FAN1: variants seen among roughly 807,000 people sequenced by gnomAD.
FAN1 encodes fanconi-associated nuclease 1.
In FAN1, 91 loss-of-function variants were observed where a neutral mutation model predicts 104.9. The ratio of observed to expected loss-of-function variants is 0.87; its 90% CI spans 0.73 to 1.03. The LOEUF (loss-of-function observed/expected upper bound fraction) is 1.03. FAN1 is among the 50% of genes least tolerant of loss of function. FAN1 has a pLI of 0.00. For synonymous variants in FAN1, 478 were observed against 457.6 expected (o/e 1.04, Z -0.57); for missense variants, 1,263 against 1,239.9 (o/e 1.02, Z -0.28).
intron 10 of FAN1, chr15:30,926,765 C>T (rs758823568): frequency 1.2e-4 from 121 of 985,252 alleles, no homozygotes; most frequent in Middle Eastern, 5.2e-4. Flanking sequence ...CAGGCTGGGA[C>T]GTGGGAGCGC....
At chr15:30,911,059 A>T in intron 4 of FAN1, 2 of 1,234,248 alleles carry the variant, frequency 1.6e-6, no homozygotes, top group Non-Finnish European at 2.0e-6. Context: ...GGCCTTTGGT[A>T]AATTGTAGTA....
intron 11 of FAN1, chr15:30,928,952 G>T: frequency 3.1e-6 from 1 of 326,362 alleles, no homozygotes; most frequent in Non-Finnish European, 4.4e-6. Flanking sequence ...CTGTGCCAAG[G>T]AGCTCACAGA....
intron 7 of FAN1, 124 bp from the exon 8 acceptor site, chr15:30,922,111 C>A: frequency 7.9e-7 from 1 of 1,273,234 alleles, no homozygotes; most frequent in Non-Finnish European, 1.1e-6. Flanking sequence ...GGGTCCTTGG[C>A]CTCATTGTAG....
Position 30,924,975 on chromosome 15 carries a change from A to C in FAN1, c.2173-152A>C, listed in dbSNP as rs1461603680. 2.0e-5 allele frequency: 15 copies of C among 750,168 alleles called. No individual in the cohort carries two copies. The South Asian group carries it at 3.1e-4, about 15-fold the overall frequency. The allele number at this position is 750,168 out of a possible 1,614,324, so 46.5% of individuals were successfully genotyped here. A position where few individuals can be genotyped will look rare whatever the true frequency, so the allele number is the denominator to read the frequency against. Reference sequence around the variant, plus strand: ...ATTGAAATCCTCAGAATAAGATCTAAGGAAACAGCCTAAATCTCTAGAAGT... The same window carrying C: ...ATTGAAATCCTCAGAATAAGATCTACGGAAACAGCCTAAATCTCTAGAAGT... On this transcript the variant is annotated intron_variant, in intron 8 of 14. Transcript: ENST00000362065.
At chr15:30,940,282 C>T in intron 14 of FAN1, 1 of 867,162 alleles carries the variant, frequency 1.2e-6, no homozygotes, top group Non-Finnish European at 1.4e-6. Flanking sequence ...AAATACTTTA[C>T]TTTAGAGAGA....
rs1442498084 is a variant in FAN1 at position 30,941,550 on chromosome 15, T to C, written c.*4-16T>C. The C allele has an allele frequency of 6.2e-7, 1 of 1,604,866 alleles. No individual in the cohort carries two copies. Among genetic ancestry groups the C allele is most frequent in the East Asian group, 2.2e-5 (1 of 44,700 alleles). On this transcript the variant is annotated splice_polypyrimidine_tract_variant and intron_variant, in intron 14 of 14. Transcript: ENST00000362065. Reference sequence around the variant, plus strand: ...AATTTGCTTAATGGTGTTCCTAAAATGCTTCGTCTGCACAGATTCCCTACA... The same window carrying C: ...AATTTGCTTAATGGTGTTCCTAAAACGCTTCGTCTGCACAGATTCCCTACA...
chr15:30,908,110 T>A lies in FAN1; in HGVS notation c.1235-8T>A, dbSNP rs2062021700. ...TGATTTTCAACATTTTTCTTAACTT[T>A]ATTGCAGCTACTGGTCAGAAGTTAT... On this transcript the variant is annotated splice_region_variant and splice_polypyrimidine_tract_variant and intron_variant, in intron 2 of 14. Transcript: ENST00000362065. 1.9e-6 allele frequency: 3 copies of A among 1,588,558 alleles called. No individual in the cohort carries two copies. The highest frequency in any genetic ancestry group is 2.6e-6 in the Non-Finnish European group (3 of 1,171,328).
At chr15:30,939,572 T>C (rs904463825) in intron 14 of FAN1, 19 of 958,220 alleles carry the variant, frequency 2.0e-5, no homozygotes, top group Non-Finnish European at 2.2e-5. Context: ...TACAAAAATA[T>C]GCATTTTTCT....
intron 5 of FAN1, 29 bp downstream of exon 5, chr15:30,914,120 CTA>C (rs1179947573): frequency 1.4e-6 from 2 of 1,433,260 alleles, no homozygotes; most frequent in Non-Finnish European, 1.9e-6. Flanking sequence ...ACTATAATGT[CTA>C]TATGTGTATT....
rs1379708617 is a variant in FAN1 at position 30,942,294 on chromosome 15, G to A, written c.*732G>A. 1 of 607,092 alleles carries A rather than the reference G, an allele frequency of 1.6e-6. No individual in the cohort carries two copies. The highest frequency in any genetic ancestry group is 2.8e-6 in the Non-Finnish European group (1 of 353,740). 37.6% of individuals were successfully genotyped at this position (607,092 alleles called of 1,614,324 possible). ...TAGGCTGTTACTATCAGCCTGAATG[G>A]GGGCGGGATGAGAGTACCTCCTATC... On this transcript the variant is annotated 3_prime_UTR_variant, in exon 15 of 15. Coordinates refer to ENST00000362065, the MANE Select transcript of FAN1 (RefSeq NM_014967.5).
At chr15:30,931,629 T>C (rs892874365) in intron 13 of FAN1, among the ~76,000 whole-genome samples, 1 of 152,240 alleles carries the variant, frequency 6.6e-6, no homozygotes, top group African/African-American at 2.4e-5. Context: ...TGGAATTCAT[T>C]TGTGGTGTGT....
At chr15:30,940,413 TTA>T in intron 14 of FAN1, 1 of 985,434 alleles carries the variant, frequency 1.0e-6, no homozygotes, top group Non-Finnish European at 1.2e-6. Context: ...ATCCATTTTT[TTA>T]TTTCTCCTCT....
chr15:30,929,993 C>A (rs1310346953), intron 12 of FAN1, among the ~76,000 whole-genome samples: 3 of 124,146 alleles, frequency 2.4e-5, no homozygotes, highest in South Asian at 2.3e-4. Context: ...TATAAGATAT[C>A]ATATATAATA....
chr15:30,920,672 G>GC lies in FAN1; in HGVS notation c.2052+25dup, dbSNP rs759383731. The GC allele has an allele frequency of 1.8e-5, 26 of 1,422,272 alleles. No individual in the cohort carries two copies. Among genetic ancestry groups the GC allele is most frequent in the Non-Finnish European group, 2.4e-5 (24 of 1,016,956 alleles). The allele number at this position is 1,422,272 out of a possible 1,614,324, so 88.1% of individuals were successfully genotyped here. ...GTATGAGGTTAGAGCACAGGTCCCT[G>GC]CCCCCCACCATTACTGATGTGATGG... On this transcript the variant is annotated intron_variant, in intron 7 of 14. Transcript: ENST00000362065.
At chr15:30,921,717 G>A (rs1279722563) in intron 7 of FAN1, among the ~76,000 whole-genome samples, 1 of 152,154 alleles carries the variant, frequency 6.6e-6, no homozygotes, top group Non-Finnish European at 1.5e-5. Flanking sequence ...ACATCCATGA[G>A]CCACAGAAGA....
chr15:30,913,966 C>T lies in FAN1; in HGVS notation c.1686C>T (p.Asp562=), dbSNP rs145076550. 8.5e-4 allele frequency: 1,369 copies of T among 1,614,152 alleles called. 12 individuals are homozygous for T. In the African/African-American group the frequency reaches 0.016, roughly 19 times the overall value. Residue 562 remains aspartate, a synonymous_variant, in exon 5 of 15, where the codon GAC becomes GAT. Coordinates refer to ENST00000362065, the MANE Select transcript of FAN1 (RefSeq NM_014967.5). The stretch of plus-strand genomic sequence containing the variant: ...TGACCGACTCAATGGAAGATGAAGA[C>T]GCCGCTTGTGGAGGTCAGGGACAGC... ...FSLTDSMEDE[D]AACGGQGQLS...
chr15:30,939,709 CATTT>C (rs1348710653), intron 14 of FAN1: 1 of 973,902 alleles, frequency 1.0e-6, no homozygotes, highest in Non-Finnish European at 1.2e-6. Context: ...CAATCCAAAA[CATTT>C]AGTAATAATA....
At position 30,905,175 on chromosome 15, in the gene FAN1, A is replaced by C. The variant is rs772956429; in HGVS notation, c.512A>C (p.Asp171Ala). Residue 171 changes from aspartate to alanine, a missense_variant, in exon 2 of 15, where the codon GAT (aspartate) becomes GCT (alanine). Around this residue, in one of 2 missense-constraint regions of FAN1, gnomAD observed 682 missense variants for 571.1 expected, o/e 1.19. Coordinates refer to ENST00000362065, the MANE Select transcript of FAN1 (RefSeq NM_014967.5). ...TACGTAAAGGCTAAAAAATCAATAG[A>C]TAAGGATGAAGAATTTGCCGGTTCT... ...RKYVKAKKSI[D>A]KDEEFAGSSP... 6.2e-7 allele frequency: 1 copy of C among 1,613,802 alleles called. No individual in the cohort carries two copies. The highest frequency in any genetic ancestry group is 8.5e-7 in the Non-Finnish European group (1 of 1,179,976).
chr15:30,929,752 A>AAAAT (rs1555403109), intron 12 of FAN1, among the ~76,000 whole-genome samples: 2 of 53,462 alleles, frequency 3.7e-5, no homozygotes, highest in South Asian at 6.4e-4. Flanking sequence ...TATCATATAT[A>AAAAT]ATATAATATA....
Sources: allele counts gnomAD v4.1 joint callset (sites outside exome capture counted in the v4.1 genomes callset), GRCh38; gene constraint gnomAD v4.1.1; regional missense constraint gnomAD v4.1.1; transcripts MANE v1.5; gene names NCBI Gene and HGNC (gene_info 2026-07-23, HGNC 2026-07-21).